CNBD1: variants seen among roughly 807,000 people sequenced by gnomAD.
CNBD1 encodes cyclic nucleotide-binding domain-containing protein 1.
Under a neutral mutation model 54.4 loss-of-function variants are expected in CNBD1, and 71 were observed. That is an observed-to-expected ratio of 1.30 (90% CI 1.08 to 1.59). The LOEUF (loss-of-function observed/expected upper bound fraction) is 1.59, where lower values mean the gene tolerates loss of function less well. Ranked by LOEUF, CNBD1 falls within the 40% of genes most tolerant of loss-of-function variation. The pLI, the probability that CNBD1 is intolerant of heterozygous loss-of-function variation, is 0.00. For missense variants in CNBD1, 659 were observed against 518.0 expected, an observed-to-expected ratio of 1.27 and a Z score of -2.64; for synonymous variants, 182 against 170.7, an observed-to-expected ratio of 1.07 and a Z score of -0.51.
At chr8:87,109,722 T>C (rs1025378000) in intron 4 of CNBD1, among the ~76,000 whole-genome samples, 4 of 151,744 alleles carry the variant, frequency 2.6e-5, no homozygotes, top group Non-Finnish European at 5.9e-5. Context: ...GTATTTTTAG[T>C]AGAGACAGGG....
chr8:87,197,212 A>G (rs903717023), intron 4 of CNBD1, among the ~76,000 whole-genome samples: 1 of 152,178 alleles, frequency 6.6e-6, no homozygotes, highest in African/African-American at 2.4e-5. Context: ...TCACTGAAGT[A>G]TTTCCTACAG....
chr8:87,108,837 T>G (rs980245747), intron 4 of CNBD1, among the ~76,000 whole-genome samples: 4 of 152,204 alleles, frequency 2.6e-5, no homozygotes, highest in African/African-American at 9.7e-5. Flanking sequence ...TAATGAAATA[T>G]TCTTCTTGTA....
chr8:87,253,523 C>A (rs1416602306), intron 6 of CNBD1, among the ~76,000 whole-genome samples: 1 of 152,152 alleles, frequency 6.6e-6, no homozygotes, highest in African/African-American at 2.4e-5. Context: ...CCAGGATATT[C>A]CATCTGATTT....
intron 3 of CNBD1, among the ~76,000 whole-genome samples, chr8:86,907,494 C>T (rs1053097689): frequency 7.2e-5 from 11 of 151,770 alleles, no homozygotes; most frequent in Admixed American, 3.3e-4. Context: ...ATGGTGAAAC[C>T]CTGCCTCTAC....
At chr8:87,363,864 T>C (rs967694311) in intron 10 of CNBD1, among the ~76,000 whole-genome samples, 10 of 152,132 alleles carry the variant, frequency 6.6e-5, no homozygotes, top group Non-Finnish European at 1.2e-4. Context: ...TTTAATTAGA[T>C]CACATTTGTC....
intron 8 of CNBD1, among the ~76,000 whole-genome samples, chr8:87,329,145 G>T (rs1006696601): frequency 6.6e-6 from 1 of 152,166 alleles, no homozygotes; most frequent in African/African-American, 2.4e-5. Flanking sequence ...GCATGTGGAT[G>T]TGCAGTTGTT....
chr8:87,179,506 G>A (rs2130776106), intron 4 of CNBD1, among the ~76,000 whole-genome samples: 1 of 152,170 alleles, frequency 6.6e-6, no homozygotes, highest in Middle Eastern at 3.4e-3. Flanking sequence ...TCTAAAATAA[G>A]GAATTCAGAG....
intron 2 of CNBD1, among the ~76,000 whole-genome samples, chr8:86,896,463 T>G (rs1370719708): frequency 2.0e-5 from 3 of 152,174 alleles, no homozygotes; most frequent in Non-Finnish European, 4.4e-5. Flanking sequence ...TCTATTTATT[T>G]GTGTCATCTG....
At chr8:87,109,637 C>T (rs1159632265) in intron 4 of CNBD1, among the ~76,000 whole-genome samples, 1 of 149,510 alleles carries the variant, frequency 6.7e-6, no homozygotes, top group Non-Finnish European at 1.5e-5. Flanking sequence ...CTCCTGGGTT[C>T]ACGCCATTCT....
rs182162563 is a variant in CNBD1 at position 87,343,500 on chromosome 8, G to A, written c.1043-8185G>A. Among the ~76,000 whole-genome samples, 31 of 152,248 alleles carry A rather than the reference G, an allele frequency of 2.0e-4. 1 individual carries two copies. Among genetic ancestry groups the A allele is most frequent in the Admixed American group, 5.2e-4 (8 of 15,280 alleles). ...ATGGCTTCAGCCGGTCCCTCCATTC[G>A]GGGTCCCTGACTTCCCGCAACAAAA... On this transcript the variant is annotated intron_variant, in intron 8 of 10. Coordinates refer to ENST00000518476, the MANE Select transcript of CNBD1 (RefSeq NM_173538.3).
chr8:87,194,070 G>A (rs1220625713), intron 4 of CNBD1, among the ~76,000 whole-genome samples: 4 of 152,090 alleles, frequency 2.6e-5, no homozygotes, highest in Admixed American at 2.6e-4. Context: ...ATGGGAGCAT[G>A]AGCCTTATTG....
intron 3 of CNBD1, among the ~76,000 whole-genome samples, chr8:86,933,542 G>A (rs1401706217): frequency 1.3e-5 from 2 of 152,086 alleles, no homozygotes; most frequent in African/African-American, 2.4e-5. Flanking sequence ...AATGGTCTTT[G>A]TAAATGAATA....
chr8:87,377,056 T>G lies in CNBD1; in HGVS notation c.1304-5564T>G, dbSNP rs141390876. Among the ~76,000 whole-genome samples the G allele has an allele frequency of 9.7e-3, 1,439 of 148,928 alleles. 20 individuals carry two copies. The highest frequency in any genetic ancestry group is 0.032 in the African/African-American group (1,325 of 40,964). On this transcript the variant is annotated intron_variant, in intron 10 of 10. Coordinates refer to ENST00000518476, the MANE Select transcript of CNBD1 (RefSeq NM_173538.3). ...TTTACATTTAGAAAACTCCAATTTT[T>G]ATTTTTATTTCTTTATTTTATTTTA...
At position 87,417,725 on chromosome 8, in the gene CNBD1, AAATT is replaced by A. The variant is rs59025330; in HGVS notation, c.214-10816_214-10813del. On this transcript the variant is annotated intron_variant, in intron 2 of 7. Transcript: ENST00000521593. ...GAACAGTCTAAAAATGAAATTAATA[AAATT>A]AATTTCATTTATGATAGTATCAATA... Among the ~76,000 whole-genome samples the A allele has an allele frequency of 7.2e-3, 1,088 of 152,066 alleles. 12 individuals carry two copies. Among genetic ancestry groups the A allele is most frequent in the African/African-American group, 0.025 (1,027 of 41,520 alleles).
intron 2 of CNBD1, among the ~76,000 whole-genome samples, chr8:87,389,357 G>A (rs756405618): frequency 4.6e-5 from 7 of 152,114 alleles, no homozygotes; most frequent in African/African-American, 1.2e-4. Context: ...AAACCCCAGC[G>A]TCTCAGCCCA....
intron 4 of CNBD1, among the ~76,000 whole-genome samples, chr8:87,102,637 A>T (rs1811453672): frequency 6.6e-6 from 1 of 152,070 alleles, no homozygotes; most frequent in Non-Finnish European, 1.5e-5. Context: ...TTTTTGAGAC[A>T]GAGTCTCACT....
Position 87,351,712 on chromosome 8 carries a change from C to T in CNBD1, c.1070C>T (p.Ser357Phe), listed in dbSNP as rs200357055. ...HVIVESGNII[S>F]FVGYINSGCC... ...ATAGTGGAAAGTGGAAATATAATTT[C>T]TTTTGTGGGTTATATTAACTCTGGA... The change falls in exon 9 of 11, where the codon TCT becomes TTT. Residue 357 changes from serine to phenylalanine, a missense_variant. Ser to Phe is a radical substitution (Grantham distance 155). Transcript: ENST00000518476. 6.5e-7 allele frequency: 1 copy of T among 1,528,826 alleles called. No individual in the cohort carries two copies. Among genetic ancestry groups the T allele is most frequent in the Non-Finnish European group, 8.8e-7 (1 of 1,142,702 alleles). The allele number at this position is 1,528,826 out of a possible 1,614,324, so 94.7% of individuals were successfully genotyped here.
intron 6 of CNBD1, among the ~76,000 whole-genome samples, chr8:87,266,436 A>AATATT (rs71503464): frequency 3.9e-5 from 3 of 76,266 alleles, no homozygotes; most frequent in East Asian, 3.3e-4. Context: ...AAAAAAAAAA[A>AATATT]TCTTTTTTTT....
At chr8:86,967,178 G>A (rs2130482970) in intron 4 of CNBD1, among the ~76,000 whole-genome samples, 1 of 152,342 alleles carries the variant, frequency 6.6e-6, no homozygotes, top group African/African-American at 2.4e-5. Flanking sequence ...AAAAGTGCGT[G>A]TGGGGGGTCC....
Sources: allele counts gnomAD v4.1 joint callset (sites outside exome capture counted in the v4.1 genomes callset), GRCh38; gene constraint gnomAD v4.1.1; transcripts MANE v1.5; gene names NCBI Gene and HGNC (gene_info 2026-07-23, HGNC 2026-07-21).